The following DLEU7 variants were observed in gnomAD, a reference collection of about 807,000 sequenced individuals.
DLEU7 encodes the protein deleted in lymphocytic leukemia 7.
DLEU7 carries 17 observed loss-of-function variants against 16.0 expected under a neutral mutation model. The observed-to-expected ratio is 1.06, with a 90% CI of 0.73 to 1.59. The LOEUF is 1.59. Ranked by LOEUF, DLEU7 falls within the 40% of genes most tolerant of loss-of-function variation. The probability of loss-of-function intolerance (pLI) is 0.00; values close to 1 mark genes in which losing one functional copy is unlikely to be tolerated. For missense variants in DLEU7, 308 were observed against 314.9 expected, an observed-to-expected ratio of 0.98 and a Z score of 0.17; for synonymous variants, 113 against 139.8, an observed-to-expected ratio of 0.81 and a Z score of 1.35.
At chr13:50,841,760 C>T (rs926645685) in intron 1 of DLEU7, among the ~76,000 whole-genome samples, 45 of 150,600 alleles carry the variant, frequency 3.0e-4, no homozygotes, top group Non-Finnish European at 3.0e-5. Flanking sequence ...AAAAAAATCC[C>T]TTAAATTAGC....
chr13:50,762,189 CAAA>C (rs71085045), intron 1 of DLEU7, among the ~76,000 whole-genome samples: 1,505 of 84,276 alleles, frequency 0.018, 7 homozygotes, highest in South Asian at 0.069. Flanking sequence ...AGACTCGTCT[CAAA>C]AAAAAAAAAA....
At chr13:50,778,979 G>A (rs1342128622) in intron 1 of DLEU7, among the ~76,000 whole-genome samples, 1 of 152,128 alleles carries the variant, frequency 6.6e-6, no homozygotes, top group Admixed American at 6.5e-5. Flanking sequence ...CCCAATAGGC[G>A]ATCAAACTAT....
intron 1 of DLEU7, among the ~76,000 whole-genome samples, chr13:50,753,201 G>T (rs1022227624): frequency 6.6e-6 from 1 of 152,190 alleles, no homozygotes; most frequent in African/African-American, 2.4e-5. Flanking sequence ...TAGACATAAA[G>T]GTTCTCCACA....
chr13:50,803,089 T>G (rs1032751032), intron 1 of DLEU7, among the ~76,000 whole-genome samples: 1 of 152,192 alleles, frequency 6.6e-6, no homozygotes. Context: ...ATAAATCATT[T>G]CACACATTTG....
At chr13:50,831,604 T>C (rs1006165733) in intron 1 of DLEU7, among the ~76,000 whole-genome samples, 5 of 152,170 alleles carry the variant, frequency 3.3e-5, no homozygotes, top group African/African-American at 9.7e-5. Context: ...CTTCCAATCA[T>C]TGGATAACAT....
At chr13:50,808,267 C>G (rs559844583) in intron 1 of DLEU7, among the ~76,000 whole-genome samples, 1 of 152,304 alleles carries the variant, frequency 6.6e-6, no homozygotes, top group South Asian at 2.1e-4. Context: ...TCAAGTCTGG[C>G]ATATCATTGG....
chr13:50,790,769 TCAGG>T (rs1875933322), intron 1 of DLEU7, among the ~76,000 whole-genome samples: 1 of 152,136 alleles, frequency 6.6e-6, no homozygotes, highest in African/African-American at 2.4e-5. Context: ...TAGAAGCCAG[TCAGG>T]CTTCCTGTAG....
At chr13:50,810,262 A>G (rs1876527068) in intron 1 of DLEU7, among the ~76,000 whole-genome samples, 1 of 151,528 alleles carries the variant, frequency 6.6e-6, no homozygotes, top group Non-Finnish European at 1.5e-5. Flanking sequence ...TCCTGAAGCT[A>G]TTTTTCCCCC....
intron 1 of DLEU7, among the ~76,000 whole-genome samples, chr13:50,817,262 C>T (rs1876761344): frequency 6.6e-6 from 1 of 152,150 alleles, no homozygotes. Flanking sequence ...ATGCATGGAG[C>T]AGATATGAAC....
intron 1 of DLEU7, among the ~76,000 whole-genome samples, chr13:50,727,700 C>G (rs1167156683): frequency 6.6e-6 from 1 of 152,200 alleles, no homozygotes; most frequent in Non-Finnish European, 1.5e-5. Context: ...TGGGCCAGTC[C>G]TCTTCCACTT....
At chr13:50,810,737 TAA>T (rs1251537576) in intron 1 of DLEU7, among the ~76,000 whole-genome samples, 3 of 152,196 alleles carry the variant, frequency 2.0e-5, no homozygotes, top group Non-Finnish European at 4.4e-5. Context: ...CAGCAATCTA[TAA>T]GTGTTGTTAA....
At chr13:50,733,937 T>A (rs1056413112) in intron 1 of DLEU7, among the ~76,000 whole-genome samples, 11 of 152,212 alleles carry the variant, frequency 7.2e-5, no homozygotes, top group African/African-American at 2.7e-4. Context: ...ATTCCGACTC[T>A]GATATATTGA....
chr13:50,809,335 G>A (rs757363416), intron 1 of DLEU7, among the ~76,000 whole-genome samples: 1 of 152,110 alleles, frequency 6.6e-6, no homozygotes. Context: ...TAGCCCAAAG[G>A]CAATCACATT....
At chr13:50,747,849 C>T (rs1874445628) in intron 1 of DLEU7, among the ~76,000 whole-genome samples, 1 of 152,140 alleles carries the variant, frequency 6.6e-6, no homozygotes, top group South Asian at 2.1e-4. Context: ...TCTTTTTATC[C>T]CCCAATGTAG....
intron 1 of DLEU7, among the ~76,000 whole-genome samples, chr13:50,826,080 A>G (rs1877074753): frequency 6.9e-6 from 1 of 145,830 alleles, no homozygotes; most frequent in African/African-American, 2.5e-5. Flanking sequence ...TCATTGTTCA[A>G]TTCCCACCTG....
chr13:50,816,462 G>A (rs9316505), intron 1 of DLEU7, among the ~76,000 whole-genome samples: 93,383 of 151,936 alleles, frequency 0.61, 29,451 homozygotes, highest in African/African-American at 0.77. Context: ...AAAGACCAAC[G>A]TCTGTTAACT....
Position 50,767,323 on chromosome 13 carries a change from G to A in DLEU7, c.460-54083C>T, listed in dbSNP as rs190062304. Among the ~76,000 whole-genome samples the A allele has an allele frequency of 4.3e-3, 659 of 152,212 alleles. 30 individuals carry two copies. The South Asian group carries it at 0.088, about 20-fold the overall frequency. The stretch of plus-strand genomic sequence containing the variant: ...TACAAAAAATTAGCCGGGCGTGGTG[G>A]CGGGCGCCTGTAGTCCCAGCTACGC... On this transcript the variant is annotated intron_variant, in intron 1 of 1. Transcript: ENST00000400393.
intron 1 of DLEU7, among the ~76,000 whole-genome samples, chr13:50,743,773 CA>C (rs765330516): frequency 2.0e-4 from 31 of 152,300 alleles, no homozygotes; most frequent in Non-Finnish European, 3.7e-4. Flanking sequence ...TTCATTGTTT[CA>C]TTCAGCAAAT....
intron 1 of DLEU7, among the ~76,000 whole-genome samples, chr13:50,778,806 A>G (rs1217989138): frequency 6.6e-6 from 1 of 152,242 alleles, no homozygotes; most frequent in African/African-American, 2.4e-5. Flanking sequence ...TTGGCCTATG[A>G]GCCGTGAATT....
Sources: allele counts gnomAD v4.1 joint callset (sites outside exome capture counted in the v4.1 genomes callset), GRCh38; gene constraint gnomAD v4.1.1; transcripts MANE v1.5; gene names NCBI Gene and HGNC (gene_info 2026-07-23, HGNC 2026-07-21).